Variants in ZNF71 observed in about 807,000 individuals in gnomAD.
ZNF71 encodes the protein zinc finger protein 71, also known as endothelial zinc finger protein induced by tumor necrosis factor alpha.
A neutral mutation model predicts 6.7 loss-of-function variants in ZNF71; 3 were observed. The observed-to-expected ratio is 0.45, with a 90% CI of 0.20 to 1.16. The LOEUF is 1.16. Among genes scored for constraint, ZNF71 ranks in the 50% most tolerant of loss-of-function variants. The pLI, the probability that ZNF71 is intolerant of heterozygous loss-of-function variation, is 0.25. For missense variants in ZNF71, 688 were observed against 728.6 expected (o/e 0.94, Z 0.64); for synonymous variants, 343 against 311.1 (o/e 1.10, Z -1.08).
chr19:56,610,921 C>T (rs1211548067), intron 2 of ZNF71, among the ~76,000 whole-genome samples: 1 of 152,046 alleles, frequency 6.6e-6, no homozygotes, highest in African/African-American at 2.4e-5. Context: ...TATATAGAGA[C>T]CACATTTTCT....
intron 1 of ZNF71, among the ~76,000 whole-genome samples, chr19:56,599,057 G>A (rs1281016124): frequency 2.0e-5 from 3 of 152,236 alleles, no homozygotes; most frequent in Non-Finnish European, 4.4e-5. Context: ...GGTACTTTGA[G>A]AATTGGTGCA....
rs1285920045 is a variant in ZNF71 at position 56,622,521 on chromosome 19, T to A, written c.1414T>A (p.Cys472Ser). Reference protein sequence around the residue: ...IVHTGEKPYVCGECGKAFSQS... With the variant: ...IVHTGEKPYVSGECGKAFSQS... ...GCACACCGGGGAGAAGCCCTACGTG[T>A]GCGGCGAGTGCGGCAAGGCCTTCAG... Residue 472 changes from cysteine (C) to serine (S), a missense_variant, in exon 4 of 4, where the codon TGC becomes AGC. Physicochemically the swap from Cys to Ser is moderately radical, Grantham distance 112. Transcript: ENST00000599599. 1 of 1,609,846 alleles carries A rather than the reference T, an allele frequency of 6.2e-7. No homozygotes were observed. The highest frequency in any genetic ancestry group is 8.5e-7 in the Non-Finnish European group (1 of 1,177,022).
intron 3 of ZNF71, among the ~76,000 whole-genome samples, chr19:56,616,132 G>A (rs1381685364): frequency 6.6e-6 from 1 of 152,122 alleles, no homozygotes; most frequent in East Asian, 1.9e-4. Context: ...AGGCCTCAGA[G>A]GTTTTCTTCT....
rs191420362 is a variant in ZNF71 at position 56,598,308 on chromosome 19, G to A, written c.-53+2880G>A. 1.9e-4 allele frequency among the ~76,000 whole-genome samples: 29 copies of A among 152,154 alleles called. No individual in the cohort carries two copies. The highest frequency in any genetic ancestry group is 6.5e-4 in the African/African-American group (27 of 41,522). ...AGATGCAGAGGCCAGGAGGCCTGGG[G>A]CCAAGCATGGGAGAGGGGAGTAGAG... On this transcript the variant is annotated intron_variant, in intron 1 of 3. Coordinates refer to ENST00000599599, the MANE Select transcript of ZNF71 (RefSeq NM_001370215.1). This position sits in a 1 kb window ranked among gnomAD's most constrained non-coding sequence, Gnocchi z 4.2.
intron 3 of ZNF71, among the ~76,000 whole-genome samples, chr19:56,617,492 G>C (rs12610129): frequency 0.32 from 48,780 of 152,104 alleles, 9,836 homozygotes; most frequent in East Asian, 0.67. Context: ...AACTGAAAAA[G>C]TGTGAAGGAC....
At position 56,622,074 on chromosome 19, in the gene ZNF71, A is replaced by G; in HGVS notation, c.967A>G (p.Thr323Ala). The G allele has an allele frequency of 6.2e-7, 1 of 1,611,270 alleles. No individual in the cohort carries two copies. Among genetic ancestry groups the G allele is most frequent in the Non-Finnish European group, 8.5e-7 (1 of 1,178,782 alleles). The change falls in exon 4 of 4, where the codon ACG (threonine) becomes GCG (alanine). Residue 323 changes from threonine (T) to alanine (A), a missense_variant. By Grantham distance (58) the Thr-to-Ala change is moderately conservative. Coordinates refer to ENST00000599599, the MANE Select transcript of ZNF71 (RefSeq NM_001370215.1). ...QNMHLIVHQR[T>A]HTGEKPYVCP... ...CATGCACCTCATCGTGCACCAGCGC[A>G]CGCACACCGGGGAGAAGCCGTACGT...
intron 2 of ZNF71, among the ~76,000 whole-genome samples, chr19:56,607,300 A>G (rs2044717453): frequency 6.6e-6 from 1 of 152,214 alleles, no homozygotes; most frequent in South Asian, 2.1e-4. Context: ...TTGTATGCTC[A>G]TTTTGGGCAA....
chr19:56,611,477 T>C (rs1357910027), intron 2 of ZNF71, among the ~76,000 whole-genome samples: 2 of 152,120 alleles, frequency 1.3e-5, no homozygotes, highest in African/African-American at 4.8e-5. Flanking sequence ...CTCCCTCCAG[T>C]GCCCCCTATT....
rs1194507322 is a variant in ZNF71, at chr19:56,623,750, A to G, written c.*993A>G. ...GGAAGTCCAAGATCAAGGCTCTGGC[A>G]GATTTGGTGTCTGATGGGGTATGTT... is the stretch of plus-strand genomic sequence containing the variant. On this transcript the variant is annotated 3_prime_UTR_variant, in exon 4 of 4. Transcript: ENST00000599599. 3 of 167,224 alleles carry G rather than the reference A, an allele frequency of 1.8e-5. No homozygotes were observed. The highest frequency in any genetic ancestry group is 7.2e-5 in the African/African-American group (3 of 41,466). The allele number at this position is 167,224 out of a possible 1,614,324, so 10.4% of individuals were successfully genotyped here.
rs1283685425 is a variant in ZNF71, at chr19:56,600,364, A to ATT, written c.-52-1138_-52-1137dup. Among the ~76,000 whole-genome samples the ATT allele has an allele frequency of 3.9e-5, 2 of 51,368 alleles. 1 individual carries two copies. Among genetic ancestry groups the ATT allele is most frequent in the African/African-American group, 1.4e-4 (2 of 14,086 alleles). The allele number at this position is 51,368 out of a possible 152,430, so 33.7% of individuals were successfully genotyped here. ...AGGCGCCCGCCACCGCGCCCGGCTA[A>ATT]TTTTTTGTATTTTTAGTAGAGACGG... On this transcript the variant is annotated intron_variant, in intron 1 of 3. Coordinates refer to ENST00000599599, the MANE Select transcript of ZNF71 (RefSeq NM_001370215.1).
chr19:56,604,842 G>A (rs910631913), intron 2 of ZNF71, among the ~76,000 whole-genome samples: 1 of 152,216 alleles, frequency 6.6e-6, no homozygotes, highest in African/African-American at 2.4e-5. Context: ...GGGACACTCA[G>A]TATGCTGGAG....
chr19:56,624,291 T>C lies in ZNF71; in HGVS notation c.*1534T>C, dbSNP rs1178615117. 6.6e-6 allele frequency: 1 copy of C among 152,416 alleles called. No individual in the cohort carries two copies. Among genetic ancestry groups the C allele is most frequent in the Non-Finnish European group, 1.5e-5 (1 of 68,024 alleles). 9.4% of individuals were successfully genotyped at this position (152,416 alleles called of 1,614,324 possible). The stretch of plus-strand genomic sequence containing the variant: ...GCAGTCAAGTGGGCCTCAGGGTGGG[T>C]TTGATTCAGGCTCTCATCATTGGAG... On this transcript the variant is annotated 3_prime_UTR_variant, in exon 4 of 4. Transcript: ENST00000599599.
chr19:56,608,936 A>T (rs1344765390), intron 2 of ZNF71, among the ~76,000 whole-genome samples: 1 of 152,190 alleles, frequency 6.6e-6, no homozygotes, highest in Non-Finnish European at 1.5e-5. Flanking sequence ...TAGCTATGTA[A>T]TTGGCCATGG....
At chr19:56,608,446 ATT>A (rs35502249) in intron 2 of ZNF71, among the ~76,000 whole-genome samples, 16 of 148,768 alleles carry the variant, frequency 1.1e-4, no homozygotes, top group African/African-American at 3.7e-4. Context: ...ATGTGTCAGA[ATT>A]TTTTTTTTTT....
rs540543285 is a variant in ZNF71 at position 56,622,304 on chromosome 19, C to T, written c.1197C>T (p.Ser399=). The change falls in exon 4 of 4, where the codon TCC becomes TCT. Residue 399 remains serine (S), a synonymous_variant. Coordinates refer to ENST00000599599, the MANE Select transcript of ZNF71 (RefSeq NM_001370215.1). ...GECGKAFSQS[S]YLIQHQRFHI... ...GCGGCAAGGCCTTCAGCCAGAGCTCCTACCTCATCCAGCACCAGCGCTTCC... is the reference window on the plus strand; with the variant it reads ...GCGGCAAGGCCTTCAGCCAGAGCTCTTACCTCATCCAGCACCAGCGCTTCC... The T allele has an allele frequency of 6.2e-7, 1 of 1,611,166 alleles. No homozygotes were observed. Among genetic ancestry groups the T allele is most frequent in the African/African-American group, 1.3e-5 (1 of 74,312 alleles).
At chr19:56,611,090 G>A (rs1191350715) in intron 2 of ZNF71, among the ~76,000 whole-genome samples, 1 of 152,202 alleles carries the variant, frequency 6.6e-6, no homozygotes, top group Non-Finnish European at 1.5e-5. Context: ...GAATGAATAA[G>A]AAGGAGCCAG....
At chr19:56,607,028 A>G (rs1170618999) in intron 2 of ZNF71, among the ~76,000 whole-genome samples, 1 of 152,160 alleles carries the variant, frequency 6.6e-6, no homozygotes, top group Non-Finnish European at 1.5e-5. Flanking sequence ...AAAATGGGTA[A>G]TTTGATCCAG....
rs1433364109 is a variant in ZNF71, at chr19:56,622,981, C to A, written c.*224C>A. ...GTGTCTGACGTATCTGGGGACACTT[C>A]AAGGTTCACTGTAGCTGAGCCATGG... On this transcript the variant is annotated 3_prime_UTR_variant, in exon 4 of 4. Transcript: ENST00000599599. 1 of 619,918 alleles carries A rather than the reference C, an allele frequency of 1.6e-6. No individual in the cohort carries two copies. The highest frequency in any genetic ancestry group is 2.8e-5 in the East Asian group (1 of 35,224). The allele number at this position is 619,918 out of a possible 1,614,324, so 38.4% of individuals were successfully genotyped here. A position where few individuals can be genotyped will look rare whatever the true frequency, so the allele number is the denominator to read the frequency against.
rs1006731498 is a variant in ZNF71 at position 56,603,739 on chromosome 19, T to C, written c.33+2148T>C. On this transcript the variant is annotated intron_variant, in intron 2 of 3. Transcript: ENST00000599599. This position sits in a 1 kb window ranked among gnomAD's most constrained non-coding sequence, Gnocchi z 4.6. ...TTTACCTACATTACTTAGAAAGATT[T>C]GTTGATTGTTTTTATTTCAACAGGG... Among the ~76,000 whole-genome samples the C allele has an allele frequency of 2.6e-5, 4 of 152,156 alleles. No homozygotes were observed. The highest frequency in any genetic ancestry group is 6.5e-5 in the Admixed American group (1 of 15,276).
Sources: allele counts gnomAD v4.1 joint callset (sites outside exome capture counted in the v4.1 genomes callset), GRCh38; gene constraint gnomAD v4.1.1; non-coding constraint Gnocchi (gnomAD v3.1); transcripts MANE v1.5; gene names NCBI Gene and HGNC (gene_info 2026-07-23, HGNC 2026-07-21).